The following RBM47 variants were observed in gnomAD, a reference collection of about 807,000 sequenced individuals.
RBM47 encodes the protein RNA binding motif protein 47, also known as RNA-binding protein 47.
Under a neutral mutation model 47.1 loss-of-function variants are expected in RBM47, and 21 were observed. The observed-to-expected ratio is 0.45, with a 90% CI of 0.32 to 0.64. The LOEUF (loss-of-function observed/expected upper bound fraction) is 0.64, where lower values mean the gene tolerates loss of function less well. Ranked by LOEUF, RBM47 falls within the 30% of genes least tolerant of loss-of-function variation. The probability of loss-of-function intolerance (pLI) is 0.05; values close to 1 mark genes in which losing one functional copy is unlikely to be tolerated. For synonymous variants in RBM47, 375 were observed against 361.7 expected (o/e 1.04, Z -0.42); for missense variants, 708 against 870.9 (o/e 0.81, Z 2.35).
chr4:40,625,952 C>T (rs1273471411), intron 1 of RBM47, among the ~76,000 whole-genome samples: 3 of 152,212 alleles, frequency 2.0e-5, no homozygotes, highest in Non-Finnish European at 2.9e-5. Context: ...AAATGGCCTT[C>T]AGAAAAGCAG....
intron 6 of RBM47, among the ~76,000 whole-genome samples, chr4:40,427,975 G>T (rs1715303126): frequency 6.6e-6 from 1 of 152,176 alleles, no homozygotes; most frequent in African/African-American, 2.4e-5. Flanking sequence ...AGGATGGCTT[G>T]AGGCCAGGAG....
chr4:40,509,389 T>C (rs1032780564), intron 2 of RBM47, among the ~76,000 whole-genome samples: 5 of 152,256 alleles, frequency 3.3e-5, no homozygotes, highest in Admixed American at 1.3e-4. Context: ...CTCACTATCA[T>C]TTTAAAGAGG....
In RBM47 at chr4:40,522,967, CTTTTTTTTTTTT is replaced by C. The variant is rs529306760; in HGVS notation, c.-155+21443_-155+21454del. ...AAAGCACTTTGCATTTCTCAAAAAT[CTTTTTTTTTTTT>C]TTTTTTTTTACACAGAGTCTCACTC... On this transcript the variant is annotated intron_variant, in intron 2 of 6. Coordinates refer to ENST00000295971, the MANE Select transcript of RBM47 (RefSeq NM_001098634.2). Among the ~76,000 whole-genome samples, 278 of 116,914 alleles carry C rather than the reference CTTTTTTTTTTTT, an allele frequency of 2.4e-3. 1 individual carries two copies. The highest frequency in any genetic ancestry group is 2.8e-3 in the Non-Finnish European group (163 of 57,412). 76.7% of individuals were successfully genotyped at this position (116,914 alleles called of 152,430 possible).
At chr4:40,585,816 G>A (rs1309120999) in intron 1 of RBM47, among the ~76,000 whole-genome samples, 1 of 152,208 alleles carries the variant, frequency 6.6e-6, no homozygotes, top group Non-Finnish European at 1.5e-5. Flanking sequence ...CTGATGCCCA[G>A]CAGCAAATAT....
intron 1 of RBM47, among the ~76,000 whole-genome samples, chr4:40,595,832 G>C (rs2154276198): frequency 6.6e-6 from 1 of 152,024 alleles, no homozygotes; most frequent in Middle Eastern, 3.4e-3. Flanking sequence ...TTGAACCCGG[G>C]AGGCAGAGCT....
At chr4:40,626,275 A>G (rs1297780693) in intron 1 of RBM47, among the ~76,000 whole-genome samples, 1 of 152,254 alleles carries the variant, frequency 6.6e-6, no homozygotes, top group African/African-American at 2.4e-5. Context: ...CACAGAAAGT[A>G]GAGGAAAGGC....
chr4:40,438,858 A>C lies in RBM47; in HGVS notation c.36T>G (p.Ser12Arg), dbSNP rs1479925289. 1 of 1,560,988 alleles carries C rather than the reference A, an allele frequency of 6.4e-7. No individual in the cohort carries two copies. Among genetic ancestry groups the C allele is most frequent in the Admixed American group, 1.9e-5 (1 of 53,868 alleles). ...TAEDSTAAMS[S>R]DSAAGSSAKV... The stretch of plus-strand genomic sequence containing the variant: ...TGGCGGAGGACCCGGCGGCCGAGTC[A>C]CTGCTCATGGCTGCGGTGGAATCCT... The change falls in exon 4 of 7, where the codon AGT (serine) becomes AGG (arginine). Residue 12 changes from serine to arginine, a missense_variant. Ser to Arg is a moderately radical substitution (Grantham distance 110, BLOSUM62 -1). Transcript: ENST00000295971.
chr4:40,500,920 C>T (rs965362592), intron 2 of RBM47, among the ~76,000 whole-genome samples: 2 of 152,046 alleles, frequency 1.3e-5, no homozygotes, highest in Non-Finnish European at 2.9e-5. Context: ...TTTTCTATCA[C>T]GTCTCTTACT....
chr4:40,449,610 A>T (rs1715090219), intron 3 of RBM47, among the ~76,000 whole-genome samples: 1 of 152,162 alleles, frequency 6.6e-6, no homozygotes, highest in South Asian at 2.1e-4. Flanking sequence ...CCCTCCCGAA[A>T]GGGGTGGAGT....
upstream of RBM47, chr4:40,629,866 CG>C (rs1490108837): frequency 1.3e-5 from 2 of 152,228 alleles, no homozygotes; most frequent in African/African-American, 4.8e-5. Context: ...GTCTAGTCTG[CG>C]GGCCCTTCCC....
intron 2 of RBM47, among the ~76,000 whole-genome samples, chr4:40,537,070 C>T (rs376079716): frequency 6.5e-4 from 99 of 152,236 alleles, no homozygotes; most frequent in African/African-American, 2.2e-3. Context: ...ACCACTAGAT[C>T]TATGAAACTT....
At chr4:40,441,553 G>A (rs1275034783) in intron 3 of RBM47, among the ~76,000 whole-genome samples, 2 of 152,154 alleles carry the variant, frequency 1.3e-5, no homozygotes, top group East Asian at 1.9e-4. Context: ...GGAAATGCCA[G>A]GTACATATAT....
chr4:40,606,337 C>T (rs1210371379), intron 1 of RBM47, among the ~76,000 whole-genome samples: 2 of 151,204 alleles, frequency 1.3e-5, no homozygotes, highest in South Asian at 2.1e-4. Context: ...AATCAGGGAA[C>T]TTCTGGGAAA....
At chr4:40,608,790 G>A (rs1486713878) in intron 1 of RBM47, among the ~76,000 whole-genome samples, 1 of 152,174 alleles carries the variant, frequency 6.6e-6, no homozygotes, top group East Asian at 1.9e-4. Flanking sequence ...CACACTCTGG[G>A]TGAGCACATG....
Position 40,629,499 on chromosome 4 carries a change from G to A in RBM47, c.-343C>T, listed in dbSNP as rs751551438. 2 of 152,120 alleles carry A rather than the reference G, an allele frequency of 1.3e-5. No homozygotes were observed. Among genetic ancestry groups the A allele is most frequent in the Non-Finnish European group, 2.9e-5 (2 of 68,034 alleles). The allele number at this position is 152,120 out of a possible 1,614,324, so 9.4% of individuals were successfully genotyped here. A position where few individuals can be genotyped will look rare whatever the true frequency, so the allele number is the denominator to read the frequency against. ...AGGAAGTCACCTACAACATCTTCTC[G>A]TCCGCCTTCTTTTTAATGTAAAACC... On this transcript the variant is annotated 5_prime_UTR_variant, in exon 1 of 7. In the 5' UTR this introduces an upstream ATG that the reference lacks. Coordinates refer to ENST00000295971, the MANE Select transcript of RBM47 (RefSeq NM_001098634.2).
At chr4:40,469,477 A>C (rs1246385788) in intron 2 of RBM47, among the ~76,000 whole-genome samples, 3 of 138,944 alleles carry the variant, frequency 2.2e-5, no homozygotes, top group Admixed American at 7.9e-5. Flanking sequence ...TCCATCCCCC[A>C]GGCTGGAGTG....
At chr4:40,562,937 C>A (rs1020075661) in intron 1 of RBM47, among the ~76,000 whole-genome samples, 1 of 152,178 alleles carries the variant, frequency 6.6e-6, no homozygotes, top group African/African-American at 2.4e-5. Context: ...AAAAGCTGTA[C>A]CCCCAAAAGG....
intron 2 of RBM47, chr4:40,501,946 TC>T (rs1462842364): frequency 6.5e-6 from 1 of 153,122 alleles, no homozygotes; most frequent in Admixed American, 6.6e-5. Flanking sequence ...GAGGCAGAAT[TC>T]CCTTTCTGAT....
intron 1 of RBM47, among the ~76,000 whole-genome samples, chr4:40,563,861 GA>G (rs1730854274): frequency 1.3e-5 from 2 of 152,072 alleles, no homozygotes; most frequent in Non-Finnish European, 2.9e-5. Flanking sequence ...TGAAAGTTAT[GA>G]AAAATATATT....
Sources: gnomAD v4.1 joint callset for allele counts (sites outside exome capture counted in the v4.1 genomes callset) on GRCh38, gnomAD v4.1.1 for gene constraint, MANE v1.5 for transcripts, NCBI Gene and HGNC (gene_info 2026-07-23, HGNC 2026-07-21) for gene names.